LRFN2: variants seen among roughly 807,000 people sequenced by gnomAD.
The protein encoded by LRFN2 is leucine-rich repeat and fibronectin type-III domain-containing protein 2.
LRFN2 carries 18 observed loss-of-function variants against 37.3 expected under a neutral mutation model. The ratio of observed to expected loss-of-function variants is 0.48; its 90% confidence interval spans 0.33 to 0.72. The LOEUF (loss-of-function observed/expected upper bound fraction) is 0.72. Ranked by LOEUF, LRFN2 falls within the 30% of genes least tolerant of loss-of-function variation. The pLI is 0.02. For synonymous variants in LRFN2, 556 were observed against 466.6 expected (o/e 1.19, Z -2.47); for missense variants, 1,006 against 1,060.7 (o/e 0.95, Z 0.72).
At chr6:40,458,337 C>T (rs1764277654) in intron 1 of LRFN2, among the ~76,000 whole-genome samples, 1 of 152,136 alleles carries the variant, frequency 6.6e-6, no homozygotes, top group South Asian at 2.1e-4. Context: ...AGTGATAAGC[C>T]TCACACATTA....
In LRFN2 at chr6:40,392,115, G is replaced by A. The variant is rs775251116; in HGVS notation, c.2198C>T (p.Ala733Val). 1 of 1,613,098 alleles carries A rather than the reference G, an allele frequency of 6.2e-7. No homozygotes were observed. The highest frequency in any genetic ancestry group is 8.5e-7 in the Non-Finnish European group (1 of 1,179,626). Residue 733 changes from alanine to valine, a missense_variant, in exon 3 of 3, where the codon GCG (alanine) becomes GTG (valine). Transcript: ENST00000338305. The surrounding 1 kb of genome is among the most constrained non-coding windows in gnomAD (Gnocchi z 4.7). ...GCCGCCCGGCACGACCCCTCCCGCC[G>A]CCGCAGCAGCAAAGTCCCCCATGTC... ...SFDMGDFAAA[A>V]AGGVVPGGYS...
intron 1 of LRFN2, among the ~76,000 whole-genome samples, chr6:40,440,549 T>C (rs1763810523): frequency 2.0e-5 from 3 of 152,204 alleles, no homozygotes; most frequent in Non-Finnish European, 4.4e-5. Context: ...CAGTAGCCCT[T>C]GGCCCCTCTG....
chr6:40,489,588 G>T (rs1765039613), intron 1 of LRFN2, among the ~76,000 whole-genome samples: 1 of 152,102 alleles, frequency 6.6e-6, no homozygotes, highest in Admixed American at 6.5e-5. Flanking sequence ...CAGCAGCCCA[G>T]CCTGGGAAGG....
In LRFN2 at chr6:40,446,893, G is replaced by T. The variant is rs10947887; in HGVS notation, c.-18-13762C>A. On this transcript the variant is annotated intron_variant, in intron 1 of 2. Transcript: ENST00000338305. ...TCTCCCTCAGACTGGGGCTTCCTGA[G>T]GATGGAGCTGTGTCTCCCTCAGACT... is the stretch of plus-strand genomic sequence containing the variant. Among the ~76,000 whole-genome samples the T allele has an allele frequency of 7.7e-4, 15 of 19,402 alleles. No individual in the cohort carries two copies. In the East Asian group the frequency reaches 0.021, roughly 27 times the overall value. The allele number at this position is 19,402 out of a possible 152,430, so 12.7% of individuals were successfully genotyped here.
chr6:40,565,946 G>A (rs558755941), intron 1 of LRFN2, among the ~76,000 whole-genome samples: 8 of 152,002 alleles, frequency 5.3e-5, no homozygotes, highest in African/African-American at 1.2e-4. Context: ...GAGTGAACAG[G>A]CAACCTACAG....
intron 1 of LRFN2, among the ~76,000 whole-genome samples, chr6:40,498,356 C>T (rs576170794): frequency 3.3e-5 from 5 of 152,158 alleles, no homozygotes; most frequent in Non-Finnish European, 2.9e-5. Flanking sequence ...ACAATTAACA[C>T]CCAGATTCAG....
chr6:40,515,536 C>T (rs780816466), intron 1 of LRFN2, among the ~76,000 whole-genome samples: 5 of 152,178 alleles, frequency 3.3e-5, no homozygotes, highest in Non-Finnish European at 5.9e-5. Flanking sequence ...ATCAAAGCCA[C>T]TCTACCTGCC....
At chr6:40,557,272 G>A (rs1248123509) in intron 1 of LRFN2, among the ~76,000 whole-genome samples, 17 of 152,154 alleles carry the variant, frequency 1.1e-4, no homozygotes, top group African/African-American at 2.4e-4. Flanking sequence ...CCAAGGCACC[G>A]ACATCTGACC....
At chr6:40,428,609 A>T (rs933465664) in intron 2 of LRFN2, among the ~76,000 whole-genome samples, 1 of 152,240 alleles carries the variant, frequency 6.6e-6, no homozygotes, top group Non-Finnish European at 1.5e-5. Flanking sequence ...CTGAAGCCAG[A>T]GGCCGGAGTT....
At chr6:40,516,953 C>A (rs1030779421) in intron 1 of LRFN2, among the ~76,000 whole-genome samples, 9 of 152,198 alleles carry the variant, frequency 5.9e-5, no homozygotes, top group Non-Finnish European at 8.8e-5. Flanking sequence ...TGTGTGTCTA[C>A]TATGAACTAG....
intron 1 of LRFN2, among the ~76,000 whole-genome samples, chr6:40,578,497 G>C (rs1417516): frequency 0.53 from 79,633 of 151,512 alleles, 21,410 homozygotes; most frequent in African/African-American, 0.62. Context: ...TAATGTCTAT[G>C]CTGACTGCCT....
intron 2 of LRFN2, among the ~76,000 whole-genome samples, chr6:40,424,212 G>A (rs1278832615): frequency 6.6e-6 from 1 of 152,118 alleles, no homozygotes; most frequent in East Asian, 1.9e-4. Context: ...TGGCACCCCT[G>A]TTTCCCCAAC....
intron 2 of LRFN2, among the ~76,000 whole-genome samples, chr6:40,419,031 A>T (rs1763159740): frequency 6.6e-6 from 1 of 152,200 alleles, no homozygotes; most frequent in Non-Finnish European, 1.5e-5. Context: ...TACCTACTGA[A>T]TTACAAACTC....
intron 1 of LRFN2, among the ~76,000 whole-genome samples, chr6:40,496,666 C>T (rs1561879515): frequency 6.6e-6 from 1 of 152,038 alleles, no homozygotes; most frequent in Non-Finnish European, 1.5e-5. Context: ...CCCTGACCTC[C>T]ATCATCCTGC....
chr6:40,506,850 T>A (rs1277539902), intron 1 of LRFN2, among the ~76,000 whole-genome samples: 2 of 152,062 alleles, frequency 1.3e-5, no homozygotes, highest in Non-Finnish European at 2.9e-5. Flanking sequence ...AATCTGGGCA[T>A]CTCATTTCTG....
intron 1 of LRFN2, among the ~76,000 whole-genome samples, chr6:40,452,780 A>T (rs1764141543): frequency 6.6e-6 from 1 of 152,168 alleles, no homozygotes; most frequent in Non-Finnish European, 1.5e-5. Flanking sequence ...CTTCCTTAGC[A>T]CACAGAGAGG....
chr6:40,472,710 A>AG (rs1241184530), intron 1 of LRFN2, among the ~76,000 whole-genome samples: 1 of 152,132 alleles, frequency 6.6e-6, no homozygotes, highest in African/African-American at 2.4e-5. Flanking sequence ...CCTGACTCTG[A>AG]GCAGCATTTG....
At chr6:40,562,443 C>T (rs1767015602) in intron 1 of LRFN2, among the ~76,000 whole-genome samples, 1 of 151,030 alleles carries the variant, frequency 6.6e-6, no homozygotes, top group African/African-American at 2.4e-5. Flanking sequence ...AGGGGGAGGG[C>T]AGGGCAGTGA....
intron 1 of LRFN2, among the ~76,000 whole-genome samples, chr6:40,434,505 G>C (rs990449380): frequency 3.4e-5 from 5 of 148,888 alleles, no homozygotes; most frequent in Admixed American, 2.7e-4. Context: ...TTGAGACGGA[G>C]TCTCACTCTG....
Sources: gnomAD v4.1 joint callset for allele counts (sites outside exome capture counted in the v4.1 genomes callset) on GRCh38, gnomAD v4.1.1 for gene constraint, Gnocchi (gnomAD v3.1) non-coding constraint, MANE v1.5 for transcripts, NCBI Gene and HGNC (gene_info 2026-07-23, HGNC 2026-07-21) for gene names.